The following ADGRL3 variants were observed in gnomAD, a reference collection of about 807,000 sequenced individuals.
ADGRL3 encodes the protein calcium-independent alpha-latrotoxin receptor 3.
In ADGRL3, 62 loss-of-function variants were observed where a neutral mutation model predicts 153.5. The ratio of observed to expected loss-of-function variants is 0.40; its 90% confidence interval spans 0.33 to 0.50. The LOEUF is 0.50. ADGRL3 is among the 20% of genes least tolerant of loss of function. ADGRL3 has a pLI of 0.47. For synonymous variants in ADGRL3, 710 were observed against 672.5 expected, an observed-to-expected ratio of 1.06 and a Z score of -0.86; for missense variants, 1,641 against 1,859.4, an observed-to-expected ratio of 0.88 and a Z score of 2.16.
intron 2 of ADGRL3, among the ~76,000 whole-genome samples, chr4:61,405,933 G>C (rs1231287445): frequency 6.6e-6 from 1 of 151,894 alleles, no homozygotes; most frequent in Non-Finnish European, 1.5e-5. Flanking sequence ...GTGACTTATA[G>C]TTACATTATA....
chr4:61,534,355 T>A (rs764683594), intron 4 of ADGRL3, among the ~76,000 whole-genome samples: 68 of 152,320 alleles, frequency 4.5e-4, no homozygotes, highest in Non-Finnish European at 9.3e-4. Context: ...GCCTTATAGT[T>A]TAAAGTCAGG....
At chr4:61,335,099 A>G (rs1202761807) in intron 1 of ADGRL3, among the ~76,000 whole-genome samples, 1 of 152,154 alleles carries the variant, frequency 6.6e-6, no homozygotes, top group African/African-American at 2.4e-5. Flanking sequence ...GGGGTTGCTT[A>G]AAATAATAGA....
intron 13 of ADGRL3, chr4:61,933,829 T>C (rs2098827577): frequency 1.3e-5 from 2 of 152,168 alleles, no homozygotes; most frequent in Admixed American, 1.3e-4. Context: ...ATAATGTGAG[T>C]CCTGTTTTAA....
At chr4:61,340,860 A>T (rs889284829) in intron 1 of ADGRL3, among the ~76,000 whole-genome samples, 1 of 151,504 alleles carries the variant, frequency 6.6e-6, no homozygotes, top group Non-Finnish European at 1.5e-5. Context: ...TATTATACAG[A>T]TAGAACCATA....
At chr4:61,912,802 CT>C in intron 13 of ADGRL3, 45 bp downstream of exon 13, 1 of 1,561,152 alleles carries the variant, frequency 6.4e-7, no homozygotes, top group South Asian at 1.1e-5. Context: ...TTGAATGTCT[CT>C]GTTGTGATGG....
intron 25 of ADGRL3, among the ~76,000 whole-genome samples, chr4:62,065,845 G>T (rs1174730738): frequency 1.3e-5 from 2 of 151,884 alleles, no homozygotes; most frequent in South Asian, 4.1e-4. Flanking sequence ...TCAAACTGCA[G>T]TTCTCACAAT....
chr4:61,775,701 A>G (rs1299958455), intron 8 of ADGRL3: 31 of 1,394,164 alleles, frequency 2.2e-5, no homozygotes, highest in Admixed American at 6.7e-5. Context: ...ATGCAAGCAC[A>G]CAAAGGTGGG....
chr4:61,477,386 C>G (rs1234087640), intron 2 of ADGRL3, among the ~76,000 whole-genome samples: 3 of 152,076 alleles, frequency 2.0e-5, no homozygotes, highest in Non-Finnish European at 4.4e-5. Flanking sequence ...CACACACACA[C>G]ACACATGTGC....
At chr4:61,965,593 C>G (rs936845291) in intron 17 of ADGRL3, among the ~76,000 whole-genome samples, 3 of 151,264 alleles carry the variant, frequency 2.0e-5, no homozygotes, top group Non-Finnish European at 4.4e-5. Flanking sequence ...ACTAAAAATA[C>G]AAAAAAAATT....
At chr4:61,708,216 A>G (rs1375186952) in intron 6 of ADGRL3, among the ~76,000 whole-genome samples, 1 of 152,192 alleles carries the variant, frequency 6.6e-6, no homozygotes, top group African/African-American at 2.4e-5. Flanking sequence ...CACTGTGCCA[A>G]CAATGAATGT....
At chr4:62,032,989 A>G (rs1204332056) in intron 23 of ADGRL3, among the ~76,000 whole-genome samples, 1 of 151,758 alleles carries the variant, frequency 6.6e-6, no homozygotes, top group Admixed American at 6.6e-5. Flanking sequence ...ATATTTAAAA[A>G]AATAAAAACA....
At chr4:61,949,211 A>G (rs2098937446) in intron 17 of ADGRL3, among the ~76,000 whole-genome samples, 2 of 152,212 alleles carry the variant, frequency 1.3e-5, no homozygotes, top group South Asian at 4.1e-4. Context: ...TCAATGGTTA[A>G]GAACTGAGGC....
intron 5 of ADGRL3, among the ~76,000 whole-genome samples, chr4:61,603,737 T>C (rs908825262): frequency 2.6e-5 from 4 of 152,042 alleles, no homozygotes; most frequent in South Asian, 4.1e-4. Context: ...TGTGTTTGTT[T>C]GTTTGTTTGT....
chr4:61,853,483 A>G (rs774496973), intron 9 of ADGRL3, among the ~76,000 whole-genome samples: 1 of 152,180 alleles, frequency 6.6e-6, no homozygotes, highest in East Asian at 1.9e-4. Context: ...ATGTTTTACT[A>G]CTTAATTTCA....
intron 6 of ADGRL3, among the ~76,000 whole-genome samples, chr4:61,686,058 C>CTT (rs149552975): frequency 0.019 from 2,843 of 152,000 alleles, 75 homozygotes; most frequent in South Asian, 0.061. Flanking sequence ...GGAAGTAAAA[C>CTT]TTTATTATAG....
intron 21 of ADGRL3, among the ~76,000 whole-genome samples, chr4:62,028,362 A>G (rs1720071242): frequency 6.6e-6 from 1 of 151,774 alleles, no homozygotes; most frequent in South Asian, 2.1e-4. Flanking sequence ...AAGGGCTATA[A>G]TGTTAAGATT....
intron 6 of ADGRL3, among the ~76,000 whole-genome samples, chr4:61,706,570 AT>A (rs2095861829): frequency 6.6e-6 from 1 of 152,116 alleles, no homozygotes; most frequent in Admixed American, 6.6e-5. Context: ...TTCACCTTGC[AT>A]TTTAAAATTA....
chr4:61,395,499 T>A (rs2096858485), intron 2 of ADGRL3, among the ~76,000 whole-genome samples: 1 of 151,936 alleles, frequency 6.6e-6, no homozygotes, highest in African/African-American at 2.4e-5. Context: ...CTTATACAGA[T>A]AATTTCTATT....
At chr4:61,780,246 T>C (rs2152375921) in intron 8 of ADGRL3, among the ~76,000 whole-genome samples, 1 of 152,318 alleles carries the variant, frequency 6.6e-6, no homozygotes, top group Middle Eastern at 3.4e-3. Flanking sequence ...CCGCCTGATA[T>C]AGGATGGACA....
Sources: gnomAD v4.1 joint callset for allele counts (sites outside exome capture counted in the v4.1 genomes callset) on GRCh38, gnomAD v4.1.1 for gene constraint, MANE v1.5 for transcripts, NCBI Gene and HGNC (gene_info 2026-07-23, HGNC 2026-07-21) for gene names.